Variants in DIAPH3 observed in about 807,000 individuals in gnomAD.
DIAPH3 encodes diaphanous related formin 3, also known as protein diaphanous homolog 3.
A neutral mutation model predicts 144.3 loss-of-function variants in DIAPH3; 117 were observed. The observed-to-expected ratio is 0.81, with a 90% CI of 0.70 to 0.95. The LOEUF is 0.95. Ranked by LOEUF, DIAPH3 falls within the 40% of genes least tolerant of loss-of-function variation. The pLI, the probability that DIAPH3 is intolerant of heterozygous loss-of-function variation, is 0.00. For synonymous variants in DIAPH3, 519 were observed against 488.9 expected (o/e 1.06, Z -0.81); for missense variants, 1,421 against 1,412.7 (o/e 1.01, Z -0.09).
At chr13:60,115,236 C>T (rs1165497888) in intron 2 of DIAPH3, among the ~76,000 whole-genome samples, 1 of 152,166 alleles carries the variant, frequency 6.6e-6, no homozygotes, top group Non-Finnish European at 1.5e-5. Flanking sequence ...AAGCAATTCA[C>T]CTTTTTCTTG....
At chr13:59,723,210 T>G (rs2035430395) in intron 27 of DIAPH3, among the ~76,000 whole-genome samples, 1 of 152,144 alleles carries the variant, frequency 6.6e-6, no homozygotes, top group South Asian at 2.1e-4. Flanking sequence ...AGCCAAGGTG[T>G]CCAGATTGTT....
intron 27 of DIAPH3, among the ~76,000 whole-genome samples, chr13:59,685,297 G>A (rs1454365849): frequency 1.3e-5 from 2 of 151,982 alleles, no homozygotes; most frequent in Non-Finnish European, 2.9e-5. Context: ...CATTTGTTTT[G>A]AGTAGTAATG....
chr13:59,995,753 G>A (rs1260445934), intron 9 of DIAPH3, among the ~76,000 whole-genome samples: 2 of 151,930 alleles, frequency 1.3e-5, no homozygotes, highest in African/African-American at 4.8e-5. Flanking sequence ...TGATAAGTTG[G>A]AAATGCCTAT....
chr13:59,916,807 C>T (rs149226790), intron 18 of DIAPH3, among the ~76,000 whole-genome samples: 173 of 152,102 alleles, frequency 1.1e-3, no homozygotes, highest in Middle Eastern at 3.4e-3. Flanking sequence ...CACATGTAAC[C>T]AAAGCTTAAA....
chr13:60,082,608 G>A (rs550793791), intron 4 of DIAPH3, among the ~76,000 whole-genome samples: 6 of 151,814 alleles, frequency 4.0e-5, no homozygotes, highest in Non-Finnish European at 8.8e-5. Flanking sequence ...GCAAAAAAAC[G>A]TGTGAGCCAA....
chr13:59,929,450 G>T (rs1472444700), intron 17 of DIAPH3, among the ~76,000 whole-genome samples: 7 of 102,038 alleles, frequency 6.9e-5, no homozygotes, highest in Non-Finnish European at 1.1e-4. Context: ...TATTCTCTGT[G>T]CTACTGTTAA....
At chr13:60,024,680 G>C (rs2054263750) in intron 5 of DIAPH3, among the ~76,000 whole-genome samples, 1 of 152,054 alleles carries the variant, frequency 6.6e-6, no homozygotes, top group Non-Finnish European at 1.5e-5. Flanking sequence ...TATACTGAAG[G>C]CTGAAAATTT....
At chr13:59,894,825 T>C (rs1266333472) in intron 20 of DIAPH3, among the ~76,000 whole-genome samples, 1 of 152,042 alleles carries the variant, frequency 6.6e-6, no homozygotes, top group Non-Finnish European at 1.5e-5. Context: ...ATCAGAATGA[T>C]TTAGGCACTT....
intron 3 of DIAPH3, among the ~76,000 whole-genome samples, chr13:60,110,711 G>A (rs2058544020): frequency 6.6e-6 from 1 of 152,178 alleles, no homozygotes; most frequent in Non-Finnish European, 1.5e-5. Context: ...TTTCTGCTGA[G>A]TTACTCCAGT....
chr13:60,039,079 G>A (rs1566695992), intron 5 of DIAPH3, among the ~76,000 whole-genome samples: 1 of 151,452 alleles, frequency 6.6e-6, no homozygotes, highest in Admixed American at 6.6e-5. Flanking sequence ...ATAACAAATA[G>A]AAGATGTTTG....
chr13:59,699,429 T>C (rs2033984111), intron 27 of DIAPH3, among the ~76,000 whole-genome samples: 1 of 152,152 alleles, frequency 6.6e-6, no homozygotes, highest in East Asian at 1.9e-4. Flanking sequence ...AGAGAGATGA[T>C]GGGGACAGAT....
At chr13:59,865,717 C>T (rs555832027) in intron 21 of DIAPH3, among the ~76,000 whole-genome samples, 1 of 152,070 alleles carries the variant, frequency 6.6e-6, no homozygotes, top group South Asian at 2.1e-4. Context: ...AGTTGTCAGT[C>T]TGCAGTAAAA....
At chr13:59,983,241 C>G (rs991028909) in intron 13 of DIAPH3, among the ~76,000 whole-genome samples, 2 of 143,130 alleles carry the variant, frequency 1.4e-5, no homozygotes, top group Non-Finnish European at 3.0e-5. Flanking sequence ...GGGGGACAGG[C>G]AATTCTGCTT....
intron 20 of DIAPH3, among the ~76,000 whole-genome samples, chr13:59,911,173 G>C (rs1000920068): frequency 3.9e-5 from 6 of 152,134 alleles, no homozygotes; most frequent in African/African-American, 1.4e-4. Flanking sequence ...AAAATTTTAA[G>C]TTGTAATACA....
intron 17 of DIAPH3, among the ~76,000 whole-genome samples, chr13:59,938,363 C>T (rs1440792648): frequency 6.6e-6 from 1 of 152,122 alleles, no homozygotes; most frequent in Admixed American, 6.5e-5. Context: ...AATCTCAGCA[C>T]TTTGGGAGGC....
chr13:59,706,949 TG>T (rs1284069293), intron 27 of DIAPH3, among the ~76,000 whole-genome samples: 1 of 152,212 alleles, frequency 6.6e-6, no homozygotes, highest in Non-Finnish European at 1.5e-5. Context: ...ATATTTTCCA[TG>T]GGAATAGTTT....
chr13:59,829,655 G>C (rs1488426639), intron 24 of DIAPH3, among the ~76,000 whole-genome samples: 1 of 151,820 alleles, frequency 6.6e-6, no homozygotes, highest in Admixed American at 6.6e-5. Context: ...TCTATTATAT[G>C]CCATGAATTG....
intron 4 of DIAPH3, among the ~76,000 whole-genome samples, chr13:60,073,619 T>C (rs2057286794): frequency 1.3e-5 from 2 of 152,356 alleles, no homozygotes; most frequent in Middle Eastern, 3.4e-3. Context: ...CTATTTTTCA[T>C]TTATGGTGAT....
chr13:59,744,484 T>A (rs1028373912), intron 27 of DIAPH3, among the ~76,000 whole-genome samples: 1 of 151,718 alleles, frequency 6.6e-6, no homozygotes, highest in African/African-American at 2.4e-5. Context: ...AACACAAATT[T>A]GTAAACTTTC....
Sources: gnomAD v4.1 joint callset for allele counts (sites outside exome capture counted in the v4.1 genomes callset) on GRCh38, gnomAD v4.1.1 for gene constraint, MANE v1.5 for transcripts, NCBI Gene and HGNC (gene_info 2026-07-23, HGNC 2026-07-21) for gene names.